The following DENND10 variants were observed in gnomAD, a reference collection of about 807,000 sequenced individuals.
DENND10 encodes DENN domain containing 10, also known as DENN domain-containing protein 10.
Under a neutral mutation model 43.6 loss-of-function variants are expected in DENND10, and 24 were observed. That is an observed-to-expected ratio of 0.55 (90% CI 0.40 to 0.77). The LOEUF (loss-of-function observed/expected upper bound fraction) is 0.77. DENND10 is among the 30% of genes least tolerant of loss of function. The probability of loss-of-function intolerance (pLI) is 0.00; values close to 1 mark genes in which losing one functional copy is unlikely to be tolerated. For missense variants in DENND10, 303 were observed against 429.9 expected, an observed-to-expected ratio of 0.70 and a Z score of 2.61; for synonymous variants, 125 against 157.6, an observed-to-expected ratio of 0.79 and a Z score of 1.55.
Position 119,132,273 on chromosome 10 carries a change from G to A in DENND10, c.803-242G>A. ...ATAAAAATTTTGGTCAGGTGGGTGT[G>A]AAGGGGAAATCTGGTTTGGTGTGAT... On this transcript the variant is annotated intron_variant, in intron 7 of 8. Coordinates refer to ENST00000361432, the MANE Select transcript of DENND10 (RefSeq NM_207009.4). The surrounding 1 kb of genome is among the most constrained non-coding windows in gnomAD (Gnocchi z 4.2). Among the ~76,000 whole-genome samples, 1 of 152,212 alleles carries A rather than the reference G, an allele frequency of 6.6e-6. No homozygotes were observed. Among genetic ancestry groups the A allele is most frequent in the Non-Finnish European group, 1.5e-5 (1 of 68,040 alleles).
chr10:119,134,555 G>A (rs1192240405), intron 8 of DENND10: 1 of 151,572 alleles, frequency 6.6e-6, no homozygotes. Context: ...GTTTCACCAT[G>A]TTGGTCAGGC....
chr10:119,112,566 C>T (rs1845029737), intron 3 of DENND10, among the ~76,000 whole-genome samples: 1 of 147,796 alleles, frequency 6.8e-6, no homozygotes, highest in Non-Finnish European at 1.5e-5. Flanking sequence ...CATCATGGCT[C>T]ACTGCAGTCT....
intron 7 of DENND10, among the ~76,000 whole-genome samples, chr10:119,131,703 G>T (rs1846095493): frequency 6.6e-6 from 1 of 152,198 alleles, no homozygotes; most frequent in Non-Finnish European, 1.5e-5. Flanking sequence ...ACCATAACTG[G>T]CTTTCCTTTA....
chr10:119,117,094 T>C (rs1264499246), intron 3 of DENND10, among the ~76,000 whole-genome samples: 1 of 152,100 alleles, frequency 6.6e-6, no homozygotes, highest in East Asian at 1.9e-4. Context: ...AACTCAGCAG[T>C]AAGTGCAGTA....
At chr10:119,135,818 C>CAAAAAAAAAAAAAAAAAAAAAAAAAAAAA (rs1174927246) in intron 8 of DENND10, among the ~76,000 whole-genome samples, 3 of 76,484 alleles carry the variant, frequency 3.9e-5, no homozygotes, top group Non-Finnish European at 2.7e-5. Context: ...AAAAAAAAAC[C>CAAAAAAAAAAAAAAAAAAAAAAAAAAAAA]AAAACCACAC....
At chr10:119,135,801 A>C (rs1350518635) in intron 8 of DENND10, among the ~76,000 whole-genome samples, 2 of 149,218 alleles carry the variant, frequency 1.3e-5, no homozygotes, top group Non-Finnish European at 3.0e-5. Flanking sequence ...TAAAAAAAAA[A>C]AAAAAAAAAA....
At chr10:119,109,768 G>A (rs932603615) in intron 2 of DENND10, among the ~76,000 whole-genome samples, 3 of 150,894 alleles carry the variant, frequency 2.0e-5, no homozygotes, top group Non-Finnish European at 3.0e-5. Flanking sequence ...ACAGGCATTC[G>A]CCACCACGTC....
chr10:119,118,016 A>T (rs1845384193), intron 4 of DENND10, among the ~76,000 whole-genome samples: 1 of 152,192 alleles, frequency 6.6e-6, no homozygotes, highest in Admixed American at 6.6e-5. Flanking sequence ...AACCCTTCCA[A>T]CAACAAAATC....
At position 119,104,167 on chromosome 10, in the gene DENND10, A is replaced by G. The variant is rs1219767990; in HGVS notation, c.25A>G (p.Thr9Ala). MAAAEVAD[T>A]QLMLGVGLIE... ...GATGGCTGCGGCCGAGGTGGCGGAC[A>G]CTCAGCTGATGCTTGGAGTCGGGCT... The change falls in exon 1 of 9, where the codon ACT (threonine) becomes GCT (alanine). Residue 9 changes from threonine to alanine, a missense_variant. Coordinates refer to ENST00000361432, the MANE Select transcript of DENND10 (RefSeq NM_207009.4). 3 of 1,522,432 alleles carry G rather than the reference A, an allele frequency of 2.0e-6. No homozygotes were observed. The highest frequency in any genetic ancestry group is 4.4e-5 in the Admixed American group (2 of 45,360). 94.3% of individuals were successfully genotyped at this position (1,522,432 alleles called of 1,614,324 possible).
Position 119,115,382 on chromosome 10 carries a change from A to ATTTTTTTT in DENND10, c.333-2121_333-2114dup, listed in dbSNP as rs397845392. Among the ~76,000 whole-genome samples, 118 of 48,402 alleles carry ATTTTTTTT rather than the reference A, an allele frequency of 2.4e-3. 9 individuals are homozygous for ATTTTTTTT. Among genetic ancestry groups the ATTTTTTTT allele is most frequent in the East Asian group, 4.0e-3 (5 of 1,244 alleles). The allele number at this position is 48,402 out of a possible 152,430, so 31.8% of individuals were successfully genotyped here. On this transcript the variant is annotated intron_variant, in intron 3 of 8. Transcript: ENST00000361432. ...CGTCAAGTTGTGAATTGAATTGGTA[A>ATTTTTTTT]TTTTTTTTTTTTTTTTTTTTTTTGA...
At chr10:119,111,287 G>A (rs1342270827) in intron 2 of DENND10, among the ~76,000 whole-genome samples, 2 of 138,576 alleles carry the variant, frequency 1.4e-5, no homozygotes, top group African/African-American at 5.3e-5. Context: ...AAAAAAACTG[G>A]AAAAATATAT....
rs12243427 is a variant in DENND10, at chr10:119,120,788, C to T, written c.593+336C>T. Among the ~76,000 whole-genome samples the T allele has an allele frequency of 2.1e-3, 318 of 152,274 alleles. 2 individuals carry two copies. In the South Asian group the frequency reaches 0.028, roughly 13 times the overall value. ...CACGTACATAAATGACTCAGCATGGCTGTGGTCAATGAAATTTTATTTTCA... is the reference window on the plus strand; with the variant it reads ...CACGTACATAAATGACTCAGCATGGTTGTGGTCAATGAAATTTTATTTTCA... On this transcript the variant is annotated intron_variant, in intron 5 of 8. Transcript: ENST00000361432.
chr10:119,117,761 A>T (rs967655146), intron 4 of DENND10, 94 bp downstream of exon 4: 192 of 1,214,576 alleles, frequency 1.6e-4, no homozygotes, highest in Non-Finnish European at 2.2e-4. Flanking sequence ...AGGTCAGGAG[A>T]TCGAGACCAT....
At chr10:119,122,398 A>C (rs1176859428) in intron 5 of DENND10, among the ~76,000 whole-genome samples, 1 of 152,180 alleles carries the variant, frequency 6.6e-6, no homozygotes, top group African/African-American at 2.4e-5. Context: ...AAGTTTGTTA[A>C]GACTGGAAAT....
chr10:119,119,267 G>C (rs541114777), intron 4 of DENND10, among the ~76,000 whole-genome samples: 1 of 152,086 alleles, frequency 6.6e-6, no homozygotes, highest in Admixed American at 6.6e-5. Flanking sequence ...GCCTCCCAAA[G>C]TGCTAGGATT....
In DENND10 at chr10:119,132,821, A is replaced by G. The variant is rs1002942335; in HGVS notation, c.897+212A>G. ...AGTTACTGGGCTCGAGGGCAGGTAT[A>G]CACAGGGGCTGGTGCTGACACCGAC... On this transcript the variant is annotated intron_variant, in intron 8 of 8. Coordinates refer to ENST00000361432, the MANE Select transcript of DENND10 (RefSeq NM_207009.4). This position sits in a 1 kb window ranked among gnomAD's most constrained non-coding sequence, Gnocchi z 4.2. 2.2e-5 allele frequency: 12 copies of G among 556,584 alleles called. No individual in the cohort carries two copies. Among genetic ancestry groups the G allele is most frequent in the African/African-American group, 3.8e-5 (2 of 52,954 alleles). The allele number at this position is 556,584 out of a possible 1,614,324, so 34.5% of individuals were successfully genotyped here.
chr10:119,128,213 T>C (rs940426073), intron 6 of DENND10, among the ~76,000 whole-genome samples: 3 of 151,898 alleles, frequency 2.0e-5, no homozygotes, highest in African/African-American at 7.3e-5. Flanking sequence ...CTCAGAAGGC[T>C]GAGACAGGAA....
chr10:119,124,962 G>GTT (rs1190137571), intron 6 of DENND10, among the ~76,000 whole-genome samples: 4 of 151,322 alleles, frequency 2.6e-5, no homozygotes, highest in African/African-American at 9.7e-5. Flanking sequence ...AACCTGTAAA[G>GTT]TTTTTTTTTG....
chr10:119,122,341 G>C (rs1845616527), intron 5 of DENND10, among the ~76,000 whole-genome samples: 1 of 152,158 alleles, frequency 6.6e-6, no homozygotes, highest in Admixed American at 6.6e-5. Flanking sequence ...TTGTTTCTGA[G>C]CCTGTGTTCC....
Sources: gnomAD v4.1 joint callset for allele counts (sites outside exome capture counted in the v4.1 genomes callset) on GRCh38, gnomAD v4.1.1 for gene constraint, Gnocchi (gnomAD v3.1) non-coding constraint, MANE v1.5 for transcripts, NCBI Gene and HGNC (gene_info 2026-07-23, HGNC 2026-07-21) for gene names.